The following BMPER variants were observed in gnomAD, a reference collection of about 807,000 sequenced individuals.
BMPER encodes the protein BMP binding endothelial regulator.
Under a neutral mutation model 87.3 loss-of-function variants are expected in BMPER, and 45 were observed. The observed-to-expected ratio is 0.52, with a 90% confidence interval of 0.41 to 0.66. BMPER has a LOEUF of 0.66. Ranked by LOEUF, BMPER falls within the 30% of genes least tolerant of loss-of-function variation. BMPER has a pLI of 0.00. For synonymous variants in BMPER, 326 were observed against 316.2 expected, an observed-to-expected ratio of 1.03 and a Z score of -0.33; for missense variants, 784 against 867.5, an observed-to-expected ratio of 0.90 and a Z score of 1.21.
intron 13 of BMPER, among the ~76,000 whole-genome samples, chr7:34,135,125 G>A (rs953916434): frequency 3.3e-5 from 5 of 152,094 alleles, no homozygotes; most frequent in Admixed American, 1.3e-4. Context: ...AAAAAGTGTT[G>A]GAATGTATAA....
intron 3 of BMPER, among the ~76,000 whole-genome samples, chr7:33,953,934 A>T (rs1562650800): frequency 1.3e-5 from 2 of 152,342 alleles, no homozygotes; most frequent in Middle Eastern, 6.8e-3. Context: ...GTCACTTAGC[A>T]TAATGTCTTC....
chr7:34,037,775 G>A lies in BMPER; in HGVS notation c.577-8531G>A, dbSNP rs1420296132. Among the ~76,000 whole-genome samples the A allele has an allele frequency of 5.9e-5, 9 of 152,302 alleles. No individual in the cohort carries two copies. In the South Asian group the frequency reaches 6.2e-4, roughly 11 times the overall value. On this transcript the variant is annotated intron_variant, in intron 6 of 14. Coordinates refer to ENST00000649409, the MANE Select transcript of BMPER (RefSeq NM_001365308.1). The stretch of plus-strand genomic sequence containing the variant: ...TTTGCCTATGACAAAAGGAGAGGGC[G>A]AATAAGACGAAAACATTGGATTGTC...
chr7:34,086,201 C>A, intron 13 of BMPER, 109 bp downstream of exon 13: 1 of 1,259,640 alleles, frequency 7.9e-7, no homozygotes, highest in African/African-American at 1.5e-5. Flanking sequence ...GGCTCAAAAC[C>A]CAGGGTAGGC....
intron 10 of BMPER, among the ~76,000 whole-genome samples, chr7:34,058,692 T>C (rs1291373913): frequency 1.3e-5 from 2 of 152,214 alleles, no homozygotes; most frequent in Non-Finnish European, 2.9e-5. Flanking sequence ...GAAATATCTC[T>C]TTTCAAAAAC....
At chr7:34,065,194 T>TAC (rs1218035355) in intron 11 of BMPER, among the ~76,000 whole-genome samples, 7 of 34,710 alleles carry the variant, frequency 2.0e-4, no homozygotes, top group East Asian at 6.0e-4. Flanking sequence ...CACACACACA[T>TAC]ACACACTCAC....
intron 3 of BMPER, among the ~76,000 whole-genome samples, chr7:33,946,438 A>G (rs903511003): frequency 6.6e-6 from 1 of 152,226 alleles, no homozygotes; most frequent in Non-Finnish European, 1.5e-5. Context: ...TGAACAAGTA[A>G]AAGGTAATCA....
chr7:33,937,195 A>C, intron 2 of BMPER, 94 bp from the exon 3 acceptor site: 1 of 1,326,600 alleles, frequency 7.5e-7, no homozygotes, highest in Non-Finnish European at 1.1e-6. Context: ...AAGGCCAGAT[A>C]AGAGTGGGGC....
At chr7:34,119,014 T>TCTCACACACACACACACACACACACA (rs66493349) in intron 13 of BMPER, among the ~76,000 whole-genome samples, 3,204 of 135,524 alleles carry the variant, frequency 0.024, 87 homozygotes, top group Non-Finnish European at 0.034. Flanking sequence ...TCTCTCTCTC[T>TCTCACACACACACACACACACACACA]CACACACACA....
In BMPER at chr7:34,085,859, A is replaced by T; in HGVS notation, c.1512A>T (p.Lys504Asn). 1 of 1,614,184 alleles carries T rather than the reference A, an allele frequency of 6.2e-7. No homozygotes were observed. Among genetic ancestry groups the T allele is most frequent in the Non-Finnish European group, 8.5e-7 (1 of 1,180,038 alleles). The change falls in exon 13 of 15, where the codon AAA becomes AAT. Residue 504 changes from lysine to asparagine, a missense_variant. Lys to Asn is a moderately conservative substitution (Grantham distance 94). Coordinates refer to ENST00000649409, the MANE Select transcript of BMPER (RefSeq NM_001365308.1). ...TTTGTGGCAACTACAATGGACATAAACGTGATGACTTAATTGGTGGAGATG... is the reference window on the plus strand; with the variant it reads ...TTTGTGGCAACTACAATGGACATAATCGTGATGACTTAATTGGTGGAGATG... The part of the protein sequence containing the change: ...CGLCGNYNGH[K>N]RDDLIGGDGN...
At chr7:34,100,330 A>C (rs888666451) in intron 13 of BMPER, among the ~76,000 whole-genome samples, 1 of 152,146 alleles carries the variant, frequency 6.6e-6, no homozygotes, top group African/African-American at 2.4e-5. Context: ...GTGTGTGGGG[A>C]GGGGAAAAGC....
intron 3 of BMPER, among the ~76,000 whole-genome samples, chr7:33,956,114 T>A: frequency 6.6e-6 from 1 of 151,616 alleles, no homozygotes; most frequent in Non-Finnish European, 1.5e-5. Flanking sequence ...AAATGTGAAA[T>A]GGAAAACTGT....
chr7:34,055,105 G>A (rs1272785705), intron 8 of BMPER, 58 bp from the exon 9 acceptor site: 1 of 1,611,008 alleles, frequency 6.2e-7, no homozygotes. Context: ...AGGCCAGGTA[G>A]GATGTTTGGT....
chr7:34,078,520 T>C (rs1197561512), intron 11 of BMPER, among the ~76,000 whole-genome samples: 2 of 152,236 alleles, frequency 1.3e-5, no homozygotes, highest in African/African-American at 4.8e-5. Context: ...TGCTCTTGTA[T>C]GTGTGGGTGG....
intron 3 of BMPER, among the ~76,000 whole-genome samples, chr7:33,951,119 C>T (rs1232109293): frequency 6.6e-6 from 1 of 151,726 alleles, no homozygotes; most frequent in Non-Finnish European, 1.5e-5. Flanking sequence ...AGGATCTCGG[C>T]TCACTGCAAC....
At chr7:33,942,425 T>C (rs1186291193) in intron 3 of BMPER, among the ~76,000 whole-genome samples, 1 of 152,156 alleles carries the variant, frequency 6.6e-6, no homozygotes, top group African/African-American at 2.4e-5. Context: ...TTTCCCAATA[T>C]CACAGAGCTA....
rs376351419 is a variant in BMPER, at chr7:34,153,193, G to A, written c.1978G>A (p.Val660Ile). Residue 660 changes from valine (V) to isoleucine (I), a missense_variant, in exon 15 of 15, where the codon GTT (valine) becomes ATT (isoleucine). By Grantham distance (29) the Val-to-Ile change is conservative. Coordinates refer to ENST00000649409, the MANE Select transcript of BMPER (RefSeq NM_001365308.1). ...NEIGPCNKPC[V>I]AGCHCPANLV... Reference sequence around the variant, plus strand: ...AATTGGTCCATGCAACAAGCCGTGCGTTGCTGGGTGCCACTGTCCAGCAAA... The same window carrying A: ...AATTGGTCCATGCAACAAGCCGTGCATTGCTGGGTGCCACTGTCCAGCAAA... 88 of 1,613,948 alleles carry A rather than the reference G, an allele frequency of 5.5e-5. No homozygotes were observed. Among genetic ancestry groups the A allele is most frequent in the Admixed American group, 1.5e-4 (9 of 59,986 alleles).
chr7:33,987,490 A>G (rs1786042271), intron 6 of BMPER, among the ~76,000 whole-genome samples: 1 of 152,148 alleles, frequency 6.6e-6, no homozygotes, highest in Non-Finnish European at 1.5e-5. Flanking sequence ...TCCTTCTGAA[A>G]TCCACCTAAG....
At chr7:33,966,442 C>A in intron 3 of BMPER, 37 bp from the exon 4 acceptor site, 1 of 1,565,186 alleles carries the variant, frequency 6.4e-7, no homozygotes, top group South Asian at 1.1e-5. Context: ...CATACCCATT[C>A]TTGGCCTTTC....
intron 6 of BMPER, among the ~76,000 whole-genome samples, chr7:34,009,925 A>G (rs963931476): frequency 6.6e-6 from 1 of 151,984 alleles, no homozygotes; most frequent in Non-Finnish European, 1.5e-5. Flanking sequence ...TTTTGTTGAA[A>G]TAAGACAATG....
Sources: gnomAD v4.1 joint callset for allele counts (sites outside exome capture counted in the v4.1 genomes callset) on GRCh38, gnomAD v4.1.1 for gene constraint, MANE v1.5 for transcripts, NCBI Gene and HGNC (gene_info 2026-07-23, HGNC 2026-07-21) for gene names.